The following PRH1 variants were observed in gnomAD, a reference collection of about 807,000 sequenced individuals.
PRH1 encodes salivary acidic proline-rich phosphoprotein 1/2.
A neutral mutation model predicts 7.9 loss-of-function variants in PRH1; 7 were observed. The observed-to-expected ratio is 0.89, with a 90% CI of 0.50 to 1.67. The LOEUF (loss-of-function observed/expected upper bound fraction) is 1.67, where lower values mean the gene tolerates loss of function less well. Ranked by LOEUF, PRH1 falls within the 40% of genes most tolerant of loss-of-function variation. PRH1 has a pLI of 0.00. For missense variants in PRH1, 109 were observed against 223.6 expected, an observed-to-expected ratio of 0.49 and a Z score of 3.27; for synonymous variants, 45 against 80.8, an observed-to-expected ratio of 0.56 and a Z score of 2.38.
At chr12:11,062,745 T>C (rs1943666865) in intron 1 of PRH1, among the ~76,000 whole-genome samples, 1 of 152,106 alleles carries the variant, frequency 6.6e-6, no homozygotes, top group Non-Finnish European at 1.5e-5. Flanking sequence ...ATATAGTAAA[T>C]GTCTAAATTC....
chr12:10,959,621 TTCTA>T (rs1415782458), intron 2 of PRH1, among the ~76,000 whole-genome samples: 11 of 152,310 alleles, frequency 7.2e-5, no homozygotes, highest in South Asian at 2.1e-4. Context: ...TAAACCATAA[TTCTA>T]TCTATGTATT....
At chr12:11,020,363 G>GATATATCTATATATATATATATATAT (rs1941545453) in intron 1 of PRH1, among the ~76,000 whole-genome samples, 23 of 87,578 alleles carry the variant, frequency 2.6e-4, no homozygotes, top group South Asian at 6.4e-4. Context: ...TATGATAAGC[G>GATATATCTATATATATATATATATAT]ATATATATAT....
chr12:11,006,896 C>T (rs543766023), intron 1 of PRH1, among the ~76,000 whole-genome samples: 39 of 151,680 alleles, frequency 2.6e-4, no homozygotes, highest in Admixed American at 1.6e-3. Context: ...TCTTGCTATA[C>T]GCTGAAATTT....
chr12:11,030,346 T>C lies in PRH1; in HGVS notation c.-126+16674A>G. ...AGAAAAACCAGTAAGAAATATAAAA[T>C]GTTTCATACACCACCAGTTTGTTTT... On this transcript the variant is annotated intron_variant, in intron 1 of 3. Transcript: ENST00000539853. 10 of 1,550,910 alleles carry C rather than the reference T, an allele frequency of 6.4e-6. No individual in the cohort carries two copies. In the South Asian group the frequency reaches 1.3e-4, roughly 20 times the overall value.
chr12:10,908,403 A>C (rs1438173953), intron 2 of PRH1: 16 of 1,612,358 alleles, frequency 9.9e-6, no homozygotes, highest in African/African-American at 1.3e-5. Context: ...TTTAGCCCAT[A>C]CCTTAGCTGC....
rs1565725761 is a variant in PRH1, at chr12:11,168,284, GAAAGAAAGAAAGAAA to G, written n.39+3123_39+3137del. Among the ~76,000 whole-genome samples the G allele has an allele frequency of 1.1e-3, 32 of 29,628 alleles. 3 individuals carry two copies. The highest frequency in any genetic ancestry group is 1.3e-3 in the African/African-American group (12 of 9,036). The allele number at this position is 29,628 out of a possible 152,430, so 19.4% of individuals were successfully genotyped here. A position where few individuals can be genotyped will look rare whatever the true frequency, so the allele number is the denominator to read the frequency against. Reference sequence around the variant, plus strand: ...AGAAAGAAAGAAAGAAAGAAAGAAAGAAAGAAAGAAAGAAAGAAGGAAGGAAGGAAGGAAGGAAGG... The same window carrying G: ...AGAAAGAAAGAAAGAAAGAAAGAAAGGAAGGAAGGAAGGAAGGAAGGAAGG... On this transcript the variant is annotated intron_variant and non_coding_transcript_variant, in intron 1 of 1. Coordinates refer to the PRH1 transcript ENST00000541175.
intron 1 of PRH1, among the ~76,000 whole-genome samples, chr12:11,143,341 T>TTGTAATCG (rs1946762412): frequency 6.6e-6 from 1 of 151,168 alleles, no homozygotes; most frequent in African/African-American, 2.4e-5. Flanking sequence ...TAATCGCAAA[T>TTGTAATCG]CAAAAAACAT....
rs530589825 is a variant in PRH1, at chr12:11,030,348, T to C, written c.-126+16672A>G. 125 of 1,556,536 alleles carry C rather than the reference T, an allele frequency of 8.0e-5. 1 individual carries two copies. In the South Asian group the frequency reaches 1.5e-3, roughly 19 times the overall value. ...AAAAACCAGTAAGAAATATAAAATG[T>C]TTCATACACCACCAGTTTGTTTTCT... On this transcript the variant is annotated intron_variant, in intron 1 of 3. Coordinates refer to the PRH1 transcript ENST00000539853.
At chr12:11,035,310 T>G (rs1942390705) in intron 1 of PRH1, among the ~76,000 whole-genome samples, 1 of 143,360 alleles carries the variant, frequency 7.0e-6, no homozygotes, top group African/African-American at 2.5e-5. Flanking sequence ...GATTGTAGCT[T>G]CACTGTCTCT....
chr12:10,942,714 AG>A lies in PRH1; in HGVS notation c.-59+30940del, dbSNP rs529013777. On this transcript the variant is annotated intron_variant, in intron 2 of 3. Coordinates refer to the PRH1 transcript ENST00000539853. The stretch of plus-strand genomic sequence containing the variant: ...CACAATGGATTTGAACTCTTCCCTC[AG>A]TTCTGGCCAGGAGGCTTCTTGATGA... 1.9e-3 allele frequency among the ~76,000 whole-genome samples: 284 copies of A among 152,236 alleles called. 2 individuals carry two copies. Among genetic ancestry groups the A allele is most frequent in the African/African-American group, 6.4e-3 (267 of 41,546 alleles).
chr12:10,915,648 G>A (rs1949962490), intron 2 of PRH1, among the ~76,000 whole-genome samples: 1 of 45,496 alleles, frequency 2.2e-5, no homozygotes, highest in African/African-American at 3.8e-5. Context: ...ACAAAAGTAA[G>A]CAAAAATTAA....
chr12:10,889,370 A>T (rs1298635059), intron 2 of PRH1, among the ~76,000 whole-genome samples: 1 of 152,192 alleles, frequency 6.6e-6, no homozygotes, highest in Non-Finnish European at 1.5e-5. Flanking sequence ...GTTTCTGGTG[A>T]TAATAACCAC....
chr12:11,046,985 G>C lies in PRH1; in HGVS notation c.-126+35C>G, dbSNP rs368686418. 47 of 485,638 alleles carry C rather than the reference G, an allele frequency of 9.7e-5. 1 individual carries two copies. Among genetic ancestry groups the C allele is most frequent in the Middle Eastern group, 3.2e-4 (1 of 3,106 alleles). 30.1% of individuals were successfully genotyped at this position (485,638 alleles called of 1,614,324 possible). On this transcript the variant is annotated intron_variant, in intron 1 of 3. Coordinates refer to the PRH1 transcript ENST00000539853. ...GCACATTTCTGAATCATCAAGATTA[G>C]TGGTTTGAAAACACGTCTAAGTGCT...
chr12:11,030,779 A>C (rs1182725339), intron 1 of PRH1: 1 of 1,614,192 alleles, frequency 6.2e-7, no homozygotes, highest in Non-Finnish European at 8.5e-7. Flanking sequence ...AGTGAAGGGC[A>C]CTAAGTTTCC....
At chr12:10,886,168 T>TATATA (rs777832695), upstream of PRH1, among the ~76,000 whole-genome samples, 3 of 152,270 alleles carry the variant, frequency 2.0e-5, no homozygotes, top group Middle Eastern at 3.4e-3. Flanking sequence ...GTTATGGAGA[T>TATATA]TATTGTCTCT....
In PRH1 at chr12:11,060,372, T is replaced by C. The variant is rs188333340; in HGVS notation, n.124-13184A>G. Among the ~76,000 whole-genome samples the C allele has an allele frequency of 3.4e-4, 52 of 152,272 alleles. No homozygotes were observed. The East Asian group carries it at 8.3e-3, about 24-fold the overall frequency. On this transcript the variant is annotated intron_variant and non_coding_transcript_variant, in intron 1 of 4. Transcript: ENST00000541977. ...CCATAATTTCTATACTATTTTTACATTGATAGTTTTTTTTTAGAATAAGGA... is the reference window on the plus strand; with the variant it reads ...CCATAATTTCTATACTATTTTTACACTGATAGTTTTTTTTTAGAATAAGGA...
intron 1 of PRH1, chr12:10,987,035 G>T: frequency 2.3e-6 from 1 of 438,926 alleles, no homozygotes; most frequent in Non-Finnish European, 3.9e-6. Flanking sequence ...TATGCTAATG[G>T]ATGAGTTTGA....
chr12:11,074,882 C>T (rs1203822399), intron 1 of PRH1, among the ~76,000 whole-genome samples: 2 of 149,032 alleles, frequency 1.3e-5, no homozygotes, highest in Admixed American at 1.3e-4. Flanking sequence ...CCCTTGTAAC[C>T]CTTCTGGAAA....
intron 1 of PRH1, among the ~76,000 whole-genome samples, chr12:11,020,363 G>GATATATATATATATATATATATATATAT (rs71051554): frequency 2.5e-4 from 22 of 87,536 alleles, no homozygotes; most frequent in South Asian, 1.3e-3. Context: ...TATGATAAGC[G>GATATATATATATATATATATATATATAT]ATATATATAT....
Sources: allele counts gnomAD v4.1 joint callset (sites outside exome capture counted in the v4.1 genomes callset), GRCh38; gene constraint gnomAD v4.1.1; transcripts MANE v1.5; gene names NCBI Gene and HGNC (gene_info 2026-07-23, HGNC 2026-07-21).